MACF1: variants seen among roughly 807,000 people sequenced by gnomAD.
MACF1 encodes the protein microtubule actin crosslinking factor 1.
Under a neutral mutation model 854.8 loss-of-function variants are expected in MACF1, and 193 were observed. The ratio of observed to expected loss-of-function variants is 0.23; its 90% CI spans 0.20 to 0.25. The LOEUF is 0.25. Ranked by LOEUF, MACF1 falls within the 10% of genes least tolerant of loss-of-function variation. The pLI, the probability that MACF1 is intolerant of heterozygous loss-of-function variation, is 1.00. For missense variants in MACF1, 7,722 were observed against 8,929.1 expected (o/e 0.86, Z 5.45); for synonymous variants, 3,185 against 3,226.7 (o/e 0.99, Z 0.44).
In MACF1 at chr1:39,428,281, C is replaced by G; in HGVS notation, c.16797C>G (p.Asp5599Glu). The G allele has an allele frequency of 6.2e-7, 1 of 1,606,160 alleles. No individual in the cohort carries two copies. Among genetic ancestry groups the G allele is most frequent in the East Asian group, 2.2e-5 (1 of 44,716 alleles). The part of the protein sequence containing the change: ...KQDVLHRQHA[D>E]HLALNEEIVN... The stretch of plus-strand genomic sequence containing the variant: ...ATGTCCTGCACAGGCAGCATGCTGA[C>G]CACCTGGTATTCATGTTTCCATTTT... Residue 5599 changes from aspartate to glutamate, a missense_variant, in exon 63 of 101, where the codon GAC becomes GAG. By Grantham distance (45) the Asp-to-Glu change is conservative. Around this residue, in one of 15 missense-constraint regions of MACF1, gnomAD observed 2,807 missense variants for 3,235.8 expected, o/e 0.87. Transcript: ENST00000564288.
At chr1:39,158,774 A>G (rs1356650779) in intron 2 of MACF1, among the ~76,000 whole-genome samples, 1 of 152,208 alleles carries the variant, frequency 6.6e-6, no homozygotes, top group Non-Finnish European at 1.5e-5. Context: ...ACTGGAACAA[A>G]TGAGGGCGCT....
intron 3 of MACF1, among the ~76,000 whole-genome samples, chr1:39,250,694 GATTA>G (rs142254578): frequency 0.02 from 3,064 of 152,186 alleles, 109 homozygotes; most frequent in African/African-American, 0.071. Context: ...TGGGCTCCTT[GATTA>G]ATTAATATGC....
rs747335379 is a variant in MACF1, at chr1:39,300,221, G to A, written c.2493G>A (p.Glu831=). ...TTATCATTTTGTAGGATGAAAAGGA[G>A]CAGCTTATACAGTCCAAGAGTTCCG... The part of the protein sequence containing the change: ...DLLQDSMDEK[E]QLIQSKSSVA... Residue 831 remains glutamate, a synonymous_variant, in exon 22 of 101, where the codon GAG becomes GAA. Transcript: ENST00000564288. The A allele has an allele frequency of 2.5e-6, 4 of 1,610,498 alleles. No individual in the cohort carries two copies. The highest frequency in any genetic ancestry group is 1.7e-4 in the Middle Eastern group (1 of 6,036).
intron 2 of MACF1, among the ~76,000 whole-genome samples, chr1:39,086,205 G>A (rs1641670445): frequency 6.6e-6 from 1 of 152,206 alleles, no homozygotes; most frequent in Non-Finnish European, 1.5e-5. Flanking sequence ...GTGTTTTGAG[G>A]ATATTATGTG....
chr1:39,241,692 G>A (rs993891619), intron 2 of MACF1, among the ~76,000 whole-genome samples: 3 of 145,954 alleles, frequency 2.1e-5, no homozygotes, highest in Non-Finnish European at 4.5e-5. Context: ...AGAGTACTAC[G>A]TGACAATCCT....
chr1:39,277,922 T>G (rs1238606086), intron 6 of MACF1, among the ~76,000 whole-genome samples: 1 of 152,196 alleles, frequency 6.6e-6, no homozygotes, highest in African/African-American at 2.4e-5. Context: ...TTCTTCTCCA[T>G]GGTGCCAGTC....
intron 56 of MACF1, 104 bp from the exon 57 acceptor site, chr1:39,385,330 A>G: frequency 7.7e-7 from 1 of 1,292,970 alleles, no homozygotes; most frequent in Middle Eastern, 2.5e-4. Flanking sequence ...GGCCTCCCAA[A>G]GTGCTGCGAT....
chr1:39,207,300 C>CG (rs1253776231), intron 1 of MACF1, among the ~76,000 whole-genome samples: 4 of 145,312 alleles, frequency 2.8e-5, no homozygotes, highest in Admixed American at 1.4e-4. Flanking sequence ...TTTTTGGAGA[C>CG]GGAGTTTTGC....
At chr1:39,129,261 A>G (rs1380653123) in intron 2 of MACF1, among the ~76,000 whole-genome samples, 1 of 152,192 alleles carries the variant, frequency 6.6e-6, no homozygotes, top group Admixed American at 6.5e-5. Flanking sequence ...TCAAGACTTC[A>G]CATTGGGAAA....
At chr1:39,270,762 T>C (rs1252068883) in intron 6 of MACF1, among the ~76,000 whole-genome samples, 2 of 152,038 alleles carry the variant, frequency 1.3e-5, no homozygotes, top group Non-Finnish European at 2.9e-5. Context: ...ACTGATACTG[T>C]ACAGGGGCCC....
At chr1:39,446,886 G>A (rs1370528775) in intron 80 of MACF1, among the ~76,000 whole-genome samples, 1 of 152,038 alleles carries the variant, frequency 6.6e-6, no homozygotes, top group African/African-American at 2.4e-5. Context: ...GAATGTCTTG[G>A]CTTCTTTCGT....
rs528203380 is a variant in MACF1 at position 39,280,163 on chromosome 1, G to A, written c.529-2045G>A. Reference sequence around the variant, plus strand: ...TCCACCTGCCTCGGCCTCCCAAAATGTTGGGATTATAGGTGTGAGCCACTG... The same window carrying A: ...TCCACCTGCCTCGGCCTCCCAAAATATTGGGATTATAGGTGTGAGCCACTG... On this transcript the variant is annotated intron_variant, in intron 6 of 100. Coordinates refer to ENST00000564288, the MANE Select transcript of MACF1 (RefSeq NM_001394062.1). Among the ~76,000 whole-genome samples, 5 of 152,110 alleles carry A rather than the reference G, an allele frequency of 3.3e-5. No homozygotes were observed. In the South Asian group the frequency reaches 1.0e-3, roughly 32 times the overall value.
At chr1:39,481,416 A>G (rs1418768599) in intron 99 of MACF1, among the ~76,000 whole-genome samples, 1 of 152,164 alleles carries the variant, frequency 6.6e-6, no homozygotes, top group Admixed American at 6.5e-5. Flanking sequence ...ATGTTCTACA[A>G]TGTTCTGTCT....
In MACF1 at chr1:39,480,986, A is replaced by G. The variant is rs1645002084; in HGVS notation, c.22237A>G (p.Ile7413Val). The change falls in exon 99 of 101, where the codon ATC becomes GTC. Residue 7413 changes from isoleucine (I) to valine (V), a missense_variant. Around this residue, in one of 15 missense-constraint regions of MACF1, gnomAD observed 185 missense variants for 225.7 expected, o/e 0.82. Coordinates refer to ENST00000564288, the MANE Select transcript of MACF1 (RefSeq NM_001394062.1). Reference sequence around the variant, plus strand: ...GGTAAACAGTAAAGCTGGCACCCCTATCAGGGACAGCCATTCTCCTGACCT... The same window carrying G: ...GGTAAACAGTAAAGCTGGCACCCCTGTCAGGGACAGCCATTCTCCTGACCT... ...WLVNSKAGTP[I>V]RDSHSPDLQL... is the part of the protein sequence containing the mutation. 6.4e-7 allele frequency: 1 copy of G among 1,550,540 alleles called. No individual in the cohort carries two copies. Among genetic ancestry groups the G allele is most frequent in the African/African-American group, 1.4e-5 (1 of 73,004 alleles).
chr1:39,236,196 C>A (rs1239901876), intron 2 of MACF1, among the ~76,000 whole-genome samples: 1 of 152,128 alleles, frequency 6.6e-6, no homozygotes. Context: ...AAAGGCAGAA[C>A]TGAAATTTTA....
intron 2 of MACF1, among the ~76,000 whole-genome samples, chr1:39,237,718 C>CT (rs113548845): frequency 2.3e-3 from 328 of 140,920 alleles, no homozygotes; most frequent in African/African-American, 2.7e-3. Context: ...CCAGCTGATT[C>CT]TTTTTTTTTT....
chr1:39,270,226 T>C (rs944253889), intron 6 of MACF1, among the ~76,000 whole-genome samples: 2 of 152,208 alleles, frequency 1.3e-5, no homozygotes, highest in Non-Finnish European at 1.5e-5. Flanking sequence ...TTGGGAAATT[T>C]CTGACGGCAG....
chr1:39,308,103 A>C (rs796073314), intron 23 of MACF1, among the ~76,000 whole-genome samples: 2 of 151,650 alleles, frequency 1.3e-5, no homozygotes, highest in African/African-American at 2.4e-5. Context: ...ACGGGGTTTC[A>C]CCATGTTAGC....
intron 58 of MACF1, chr1:39,414,182 C>T: frequency 6.2e-7 from 1 of 1,612,828 alleles, no homozygotes; most frequent in Non-Finnish European, 8.5e-7. Context: ...CCAGAGGTGG[C>T]TGCCATCCCT....
Sources: allele counts gnomAD v4.1 joint callset (sites outside exome capture counted in the v4.1 genomes callset), GRCh38; gene constraint gnomAD v4.1.1; regional missense constraint gnomAD v4.1.1; transcripts MANE v1.5; gene names NCBI Gene and HGNC (gene_info 2026-07-23, HGNC 2026-07-21).